Variants in FAM161A observed in about 807,000 individuals in gnomAD.
FAM161A encodes the protein protein FAM161A.
Under a neutral mutation model 70.9 loss-of-function variants are expected in FAM161A, and 57 were observed. The ratio of observed to expected loss-of-function variants is 0.80; its 90% CI spans 0.65 to 1.00. The LOEUF is 1.00. FAM161A is among the 50% of genes least tolerant of loss of function. The pLI is 0.00. For synonymous variants in FAM161A, 299 were observed against 295.7 expected, an observed-to-expected ratio of 1.01 and a Z score of -0.12; for missense variants, 880 against 836.0, an observed-to-expected ratio of 1.05 and a Z score of -0.65.
At chr2:61,811,432 G>A in the FAM161A span, among the ~76,000 whole-genome samples, 1 of 151,636 alleles carries the variant, frequency 6.6e-6, no homozygotes, top group Admixed American at 6.6e-5. Context: ...GGAGCACAGT[G>A]GTGCAATCTC....
At position 61,826,241 on chromosome 2, in the gene FAM161A, C is replaced by T. The variant is rs1407679573; in HGVS notation, c.*214G>A. ...AAATCATAGTTGCAAACAGATAATA[C>T]ACAATGATTTTTAAAACTGAATAGG... On this transcript the variant is annotated 3_prime_UTR_variant, in exon 7 of 7. Coordinates refer to ENST00000404929, the MANE Select transcript of FAM161A (RefSeq NM_001201543.2). The T allele has an allele frequency of 4.4e-6, 3 of 681,928 alleles. No individual in the cohort carries two copies. The African/African-American group carries it at 5.3e-5, about 12-fold the overall frequency. The allele number at this position is 681,928 out of a possible 1,614,324, so 42.2% of individuals were successfully genotyped here.
chr2:61,842,505 G>C, intron 1 of FAM161A, 145 bp from the exon 2 acceptor site: 1 of 605,454 alleles, frequency 1.7e-6, no homozygotes, highest in Non-Finnish European at 2.9e-6. Flanking sequence ...ATGAGTTATA[G>C]GTTATTTGTG....
intron 1 of FAM161A, among the ~76,000 whole-genome samples, chr2:61,852,447 T>C (rs1038575933): frequency 2.6e-5 from 4 of 152,220 alleles, no homozygotes; most frequent in Admixed American, 6.5e-5. Flanking sequence ...TTGGTTCTCA[T>C]AGAGCTGAGA....
chr2:61,815,400 C>T, the FAM161A span, among the ~76,000 whole-genome samples: 1 of 152,224 alleles, frequency 6.6e-6, no homozygotes, highest in Admixed American at 6.5e-5. Context: ...GAGGGGACAA[C>T]TCGTGACTAA....
downstream of FAM161A, among the ~76,000 whole-genome samples, chr2:61,824,002 T>G (rs1480534987): frequency 1.3e-5 from 2 of 151,970 alleles, no homozygotes; most frequent in African/African-American, 4.8e-5. Context: ...TAAAGTAATC[T>G]TTCAGCTGTC....
At chr2:61,815,972 C>T in the FAM161A span, among the ~76,000 whole-genome samples, 1 of 152,110 alleles carries the variant, frequency 6.6e-6, no homozygotes, top group African/African-American at 2.4e-5. Context: ...GCAAATTTTT[C>T]ATCCTTAGGC....
chr2:61,826,391 T>C lies in FAM161A; in HGVS notation c.*64A>G, dbSNP rs1284929091. On this transcript the variant is annotated 3_prime_UTR_variant, in exon 7 of 7. Transcript: ENST00000404929. The stretch of plus-strand genomic sequence containing the variant: ...TCCCCACAGATGTTCTAAACACAAA[T>C]GCGGCTGCTGACACCCTGACGCTGC... The C allele has an allele frequency of 6.4e-7, 1 of 1,569,312 alleles. No homozygotes were observed. Among genetic ancestry groups the C allele is most frequent in the Non-Finnish European group, 8.7e-7 (1 of 1,144,994 alleles).
rs2105080977 is a variant in FAM161A, at chr2:61,839,651, T to TA, written c.1352dup (p.Leu451PhefsTer5). ...GAAGATCAAATGGTTTACACACTGT[T>TA]AAGAGTTTTGGAGACTTGTGTTCTG... is the stretch of plus-strand genomic sequence containing the variant. On this transcript the variant is annotated frameshift_variant, in exon 3 of 7. Coordinates refer to ENST00000404929, the MANE Select transcript of FAM161A (RefSeq NM_001201543.2). LOFTEE classifies it high-confidence loss of function. 1 of 1,614,234 alleles carries TA rather than the reference T, an allele frequency of 6.2e-7. No homozygotes were observed. Among genetic ancestry groups the TA allele is most frequent in the South Asian group, 1.1e-5 (1 of 91,084 alleles).
chr2:61,804,664 G>A, the FAM161A span, among the ~76,000 whole-genome samples: 5 of 150,756 alleles, frequency 3.3e-5, no homozygotes, highest in Non-Finnish European at 7.4e-5. Context: ...CAGCCTGGGC[G>A]AAAGAGTGAG....
At chr2:61,835,559 A>G (rs1320068478) in intron 5 of FAM161A, 1 of 154,688 alleles carries the variant, frequency 6.5e-6, no homozygotes, top group Non-Finnish European at 1.4e-5. Flanking sequence ...TGATATCATG[A>G]AGCCTCATCT....
the FAM161A span, among the ~76,000 whole-genome samples, chr2:61,807,173 A>C: frequency 3.9e-5 from 6 of 152,140 alleles, no homozygotes; most frequent in African/African-American, 1.2e-4. Context: ...AAGTTGAAGC[A>C]TCAGATGTCC....
At chr2:61,806,209 TC>T in the FAM161A span, among the ~76,000 whole-genome samples, 3 of 151,890 alleles carry the variant, frequency 2.0e-5, no homozygotes, top group Admixed American at 6.6e-5. Flanking sequence ...CAGAGCAAGA[TC>T]CGTGATCCGT....
At chr2:61,813,378 T>TAAA in the FAM161A span, among the ~76,000 whole-genome samples, 1 of 144,810 alleles carries the variant, frequency 6.9e-6, no homozygotes, top group Non-Finnish European at 1.5e-5. Flanking sequence ...TCGTCTCTAC[T>TAAA]AAAAAAAAAA....
intron 3 of FAM161A, among the ~76,000 whole-genome samples, chr2:61,839,083 T>C (rs1672895353): frequency 6.6e-6 from 1 of 151,608 alleles, no homozygotes; most frequent in South Asian, 2.1e-4. Flanking sequence ...GGGGGTTTCA[T>C]TATCTCGGCC....
the FAM161A span, among the ~76,000 whole-genome samples, chr2:61,815,763 C>A: frequency 6.6e-6 from 1 of 151,738 alleles, no homozygotes; most frequent in Non-Finnish European, 1.5e-5. Flanking sequence ...GTTGGCCAGG[C>A]TGGTCTTGAA....
At chr2:61,800,676 G>A in the FAM161A span, among the ~76,000 whole-genome samples, 1 of 142,388 alleles carries the variant, frequency 7.0e-6, no homozygotes, top group African/African-American at 2.8e-5. Context: ...TTTTAAGTGG[G>A]TAGACTGTGC....
At chr2:61,815,047 A>G in the FAM161A span, among the ~76,000 whole-genome samples, 1 of 152,294 alleles carries the variant, frequency 6.6e-6, no homozygotes, top group East Asian at 1.9e-4. Context: ...GTGGGTGTGC[A>G]GCTATTCCTT....
Position 61,827,338 on chromosome 2 carries a change from C to T in FAM161A, c.1852-80G>A, listed in dbSNP as rs561894203. ...AAAAATGTATAGATTAGGCCAGGCG[C>T]GGTGGCTCACGCCTGTAATCCCAGT... is the stretch of plus-strand genomic sequence containing the variant. On this transcript the variant is annotated intron_variant, in intron 5 of 6. Transcript: ENST00000404929. 28 of 1,406,872 alleles carry T rather than the reference C, an allele frequency of 2.0e-5. No homozygotes were observed. In the Middle Eastern group the frequency reaches 6.6e-4, roughly 33 times the overall value. The allele number at this position is 1,406,872 out of a possible 1,614,324, so 87.1% of individuals were successfully genotyped here. A position where few individuals can be genotyped will look rare whatever the true frequency, so the allele number is the denominator to read the frequency against.
the FAM161A span, among the ~76,000 whole-genome samples, chr2:61,813,184 T>C: frequency 6.6e-6 from 1 of 152,156 alleles, no homozygotes; most frequent in African/African-American, 2.4e-5. Flanking sequence ...GGCTCACGCC[T>C]GTAATCCCAG....
Sources: gnomAD v4.1 joint callset for allele counts (sites outside exome capture counted in the v4.1 genomes callset) on GRCh38, gnomAD v4.1.1 for gene constraint, MANE v1.5 for transcripts, NCBI Gene and HGNC (gene_info 2026-07-23, HGNC 2026-07-21) for gene names.